The following VWF variants were observed in gnomAD, a reference collection of about 807,000 sequenced individuals.
VWF encodes von Willebrand factor.
Under a neutral mutation model 308.6 loss-of-function variants are expected in VWF, and 176 were observed. That is an observed-to-expected ratio of 0.57 (90% confidence interval 0.50 to 0.65). The LOEUF (loss-of-function observed/expected upper bound fraction) is 0.65, where lower values mean the gene tolerates loss of function less well. VWF is among the 30% of genes least tolerant of loss of function. The pLI is 0.00. For synonymous variants in VWF, 1,385 were observed against 1,443.4 expected (o/e 0.96, Z 0.92); for missense variants, 3,146 against 3,648.2 (o/e 0.86, Z 3.55).
At chr12:5,985,740 C>T (rs1943673431) in intron 38 of VWF, 75 bp from the exon 39 acceptor site, 10 of 1,404,104 alleles carry the variant, frequency 7.1e-6, no homozygotes, top group Non-Finnish European at 8.9e-6. Context: ...GAGGTCAGCT[C>T]TCCCTGCCTC....
chr12:5,969,918 A>G (rs1375487261), intron 44 of VWF, among the ~76,000 whole-genome samples: 5 of 151,994 alleles, frequency 3.3e-5, no homozygotes, highest in Non-Finnish European at 7.4e-5. Flanking sequence ...AGGGCCCAAG[A>G]CCATGGTTCA....
At chr12:6,057,364 G>C (rs534134817) in intron 14 of VWF, among the ~76,000 whole-genome samples, 2 of 144,328 alleles carry the variant, frequency 1.4e-5, no homozygotes, top group African/African-American at 2.7e-5. Context: ...GCCCGGGCTG[G>C]AGTGCAGAAA....
intron 18 of VWF, among the ~76,000 whole-genome samples, chr12:6,039,546 C>CGTG (rs1391791893): frequency 6.6e-6 from 1 of 152,200 alleles, no homozygotes; most frequent in Non-Finnish European, 1.5e-5. Flanking sequence ...TCCTGCTGAG[C>CGTG]GTGATGACTC....
chr12:6,024,025 A>T lies in VWF; in HGVS notation c.3223-238T>A, dbSNP rs1944163920. On this transcript the variant is annotated intron_variant, in intron 24 of 51. Transcript: ENST00000261405. The surrounding 1 kb of genome is among the most constrained non-coding windows in gnomAD (Gnocchi z 4.0). ...CAGTGCTGCTGGCCTTCTGCAGAAC[A>T]CAATGAGCCTGAGGATTTTCCAGAA... is the stretch of plus-strand genomic sequence containing the variant. Among the ~76,000 whole-genome samples, 1 of 152,234 alleles carries T rather than the reference A, an allele frequency of 6.6e-6. No homozygotes were observed. The highest frequency in any genetic ancestry group is 1.5e-5 in the Non-Finnish European group (1 of 68,042).
intron 44 of VWF, 26 bp downstream of exon 44, chr12:5,971,573 T>C: frequency 1.3e-6 from 2 of 1,599,716 alleles, no homozygotes; most frequent in Non-Finnish European, 1.7e-6. Context: ...TCTGCCCTCC[T>C]CCCCGTCCCG....
At chr12:6,109,022 T>G (rs1188110160) in intron 5 of VWF, among the ~76,000 whole-genome samples, 1 of 149,730 alleles carries the variant, frequency 6.7e-6, no homozygotes, top group East Asian at 1.9e-4. Flanking sequence ...AATTTGTAAA[T>G]GTATATAGGT....
Position 5,969,281 on chromosome 12 carries a change from C to T in VWF, c.7659G>A (p.Glu2553=), listed in dbSNP as rs890420023. ...QQRNVSCPQL[E]VPVCPSGFQL... ...GAAAGCCCGAGGGGCAGACAGGGAC[C>T]TCCAGCTGGGGGCAGGAGACGTTCC... The change falls in exon 45 of 52, where the codon GAG becomes GAA. Residue 2553 remains glutamate, a synonymous_variant. Coordinates refer to ENST00000261405, the MANE Select transcript of VWF (RefSeq NM_000552.5). 6.2e-7 allele frequency: 1 copy of T among 1,614,190 alleles called. No homozygotes were observed. Among genetic ancestry groups the T allele is most frequent in the African/African-American group, 1.3e-5 (1 of 75,054 alleles).
Position 6,057,974 on chromosome 12 carries a change from A to G in VWF, c.1604T>C (p.Phe535Ser). ...CTCCGCCAGCCCAGAGGGGGTAAGG[A>G]AGTCGTCGCCCTGGTTGCCATTGTA... is the stretch of plus-strand genomic sequence containing the variant. Reference protein sequence around the residue: ...GNYNGNQGDDFLTPSGLAEPR... With the variant: ...GNYNGNQGDDSLTPSGLAEPR... Residue 535 changes from phenylalanine (F) to serine (S), a missense_variant, in exon 14 of 52, where the codon TTC (phenylalanine) becomes TCC (serine). Physicochemically the swap from Phe to Ser is radical, Grantham distance 155. Transcript: ENST00000261405. 6.2e-7 allele frequency: 1 copy of G among 1,613,670 alleles called. No homozygotes were observed. Among genetic ancestry groups the G allele is most frequent in the Non-Finnish European group, 8.5e-7 (1 of 1,180,030 alleles).
At chr12:6,052,892 A>C in intron 15 of VWF, 109 bp from the exon 16 acceptor site, 1 of 1,435,178 alleles carries the variant, frequency 7.0e-7, no homozygotes, top group Non-Finnish European at 9.4e-7. Context: ...ATTTAATTAA[A>C]ATTTTTATTG....
chr12:6,103,492 G>T, intron 5 of VWF, among the ~76,000 whole-genome samples: 1 of 118,736 alleles, frequency 8.4e-6, no homozygotes, highest in Non-Finnish European at 1.6e-5. Context: ...ACATATATGT[G>T]TATACACACA....
rs1591880626 is a variant in VWF at position 6,044,318 on chromosome 12, G to C, written c.2415C>G (p.Val805=). 6.2e-7 allele frequency: 1 copy of C among 1,614,188 alleles called. No individual in the cohort carries two copies. Among genetic ancestry groups the C allele is most frequent in the East Asian group, 2.2e-5 (1 of 44,886 alleles). ...TGCCCGGGGGGCAGAGGCAGCCAGA[G>C]ACACAGCCCATGCTCATGCACTCCA... ...YDLECMSMGC[V]SGCLCPPGMV... The change falls in exon 18 of 52, where the codon GTC becomes GTG. Residue 805 remains valine (V), a synonymous_variant. Transcript: ENST00000261405.
intron 47 of VWF, among the ~76,000 whole-genome samples, chr12:5,964,353 C>T (rs1199781839): frequency 1.4e-5 from 2 of 147,610 alleles, no homozygotes; most frequent in South Asian, 2.2e-4. Flanking sequence ...AAATTATTAG[C>T]TTTGCTTTCA....
chr12:5,961,928 G>A (rs1046092418), intron 47 of VWF, among the ~76,000 whole-genome samples: 3 of 151,864 alleles, frequency 2.0e-5, no homozygotes, highest in African/African-American at 7.3e-5. Context: ...AGTCATGAGG[G>A]CTCCACTCTC....
intron 16 of VWF, among the ~76,000 whole-genome samples, chr12:6,049,875 T>TTGGCCTC (rs1944489243): frequency 6.6e-6 from 1 of 152,208 alleles, no homozygotes; most frequent in South Asian, 2.1e-4. Context: ...TTACTGGCCT[T>TTGGCCTC]TGACCTTTGG....
chr12:6,053,418 T>C (rs1944541376), intron 15 of VWF, among the ~76,000 whole-genome samples: 1 of 152,154 alleles, frequency 6.6e-6, no homozygotes, highest in Non-Finnish European at 1.5e-5. Context: ...CTAAAGCTCA[T>C]GCTCATAACC....
At chr12:6,008,882 C>T (rs1943961066) in intron 34 of VWF, among the ~76,000 whole-genome samples, 1 of 152,104 alleles carries the variant, frequency 6.6e-6, no homozygotes. Context: ...ATGAACCTGT[C>T]CACATGAAAA....
intron 38 of VWF, among the ~76,000 whole-genome samples, chr12:5,988,517 G>A (rs1943704374): frequency 6.6e-6 from 1 of 152,090 alleles, no homozygotes; most frequent in South Asian, 2.1e-4. Context: ...TTAAACTCAA[G>A]AATAAATCAC....
intron 6 of VWF, among the ~76,000 whole-genome samples, chr12:6,079,978 G>C (rs756184610): frequency 7.2e-5 from 11 of 152,154 alleles, no homozygotes; most frequent in South Asian, 6.2e-4. Flanking sequence ...AGCCCAGCAG[G>C]GAAATCTGCC....
chr12:5,956,470 G>A (rs559344741), intron 47 of VWF, among the ~76,000 whole-genome samples: 7 of 152,114 alleles, frequency 4.6e-5, no homozygotes, highest in South Asian at 2.1e-4. Context: ...ACTACTGTGC[G>A]TGCTGAGTTT....
Sources: gnomAD v4.1 joint callset for allele counts (sites outside exome capture counted in the v4.1 genomes callset) on GRCh38, gnomAD v4.1.1 for gene constraint, Gnocchi (gnomAD v3.1) non-coding constraint, MANE v1.5 for transcripts, NCBI Gene and HGNC (gene_info 2026-07-23, HGNC 2026-07-21) for gene names.